The following SEMA6D variants were observed in gnomAD, a reference collection of about 807,000 sequenced individuals.
SEMA6D encodes semaphorin-6D.
Under a neutral mutation model 106.6 loss-of-function variants are expected in SEMA6D, and 35 were observed. The ratio of observed to expected loss-of-function variants is 0.33; its 90% confidence interval spans 0.25 to 0.44. The LOEUF (loss-of-function observed/expected upper bound fraction) is 0.44, where lower values mean the gene tolerates loss of function less well. Ranked by LOEUF, SEMA6D falls within the 20% of genes least tolerant of loss-of-function variation. The probability of loss-of-function intolerance (pLI) is 1.00; values close to 1 mark genes in which losing one functional copy is unlikely to be tolerated. For synonymous variants in SEMA6D, 499 were observed against 487.7 expected (o/e 1.02, Z -0.31); for missense variants, 1,185 against 1,345.9 (o/e 0.88, Z 1.87).
At chr15:47,302,162 C>T (rs1297989693) in intron 1 of SEMA6D, among the ~76,000 whole-genome samples, 1 of 152,148 alleles carries the variant, frequency 6.6e-6, no homozygotes, top group Non-Finnish European at 1.5e-5. Flanking sequence ...CTCCAATTTA[C>T]ACATTATGAG....
chr15:47,474,143 T>C (rs969561653), intron 3 of SEMA6D, among the ~76,000 whole-genome samples: 3 of 152,208 alleles, frequency 2.0e-5, no homozygotes, highest in African/African-American at 7.2e-5. Flanking sequence ...CCAAGAATTC[T>C]AGCTGAGTTC....
At chr15:47,673,458 C>G (rs1477861616) in intron 4 of SEMA6D, among the ~76,000 whole-genome samples, 1 of 152,146 alleles carries the variant, frequency 6.6e-6, no homozygotes, top group Non-Finnish European at 1.5e-5. Context: ...TGGCTGTCTC[C>G]CAGAATCCAC....
chr15:47,760,362 G>T lies in SEMA6D; in HGVS notation c.168G>T (p.Arg56Ser). The change falls in exon 3 of 19, where the codon AGG becomes AGT. Residue 56 changes from arginine to serine, a missense_variant. Around this residue, in one of 3 missense-constraint regions of SEMA6D, gnomAD observed 144 missense variants for 138.6 expected, o/e 1.04. Coordinates refer to ENST00000536845, the MANE Select transcript of SEMA6D (RefSeq NM_001358351.3). ...CTTCAGGCAATGAATCGCAGCACAG[G>T]CTGGACTTTCAGCTGATGTTGAAAA... The part of the protein sequence containing the change: ...GRPSGNESQH[R>S]LDFQLMLKIR... The T allele has an allele frequency of 1.2e-6, 2 of 1,613,648 alleles. No homozygotes were observed. Among genetic ancestry groups the T allele is most frequent in the Non-Finnish European group, 1.7e-6 (2 of 1,179,676 alleles).
In SEMA6D at chr15:47,251,329, G is replaced by C. The variant is rs549776920; in HGVS notation, c.-239+66911G>C. Reference sequence around the variant, plus strand: ...TCAGGAAATCTGTATCTGTCGCCATGTAAGTTCTACTCATGAATCTTGTTT... The same window carrying C: ...TCAGGAAATCTGTATCTGTCGCCATCTAAGTTCTACTCATGAATCTTGTTT... On this transcript the variant is annotated intron_variant, in intron 1 of 19. Coordinates refer to the SEMA6D transcript ENST00000558014. Among the ~76,000 whole-genome samples, 11 of 152,302 alleles carry C rather than the reference G, an allele frequency of 7.2e-5. 1 individual carries two copies. The South Asian group carries it at 2.3e-3, about 32-fold the overall frequency.
At chr15:47,759,625 A>C (rs2081956542) in intron 1 of SEMA6D, 120 bp from the exon 2 acceptor site, 2 of 605,884 alleles carry the variant, frequency 3.3e-6, no homozygotes, top group African/African-American at 3.7e-5. Flanking sequence ...TACCACTGCC[A>C]GCATTCCTGG....
intron 3 of SEMA6D, among the ~76,000 whole-genome samples, chr15:47,507,556 G>A (rs1388290210): frequency 6.6e-6 from 1 of 152,170 alleles, no homozygotes; most frequent in East Asian, 1.9e-4. Flanking sequence ...CATAAAGGAA[G>A]AAAACAGTAA....
At chr15:47,261,999 A>C (rs1240541676) in intron 1 of SEMA6D, among the ~76,000 whole-genome samples, 1 of 152,164 alleles carries the variant, frequency 6.6e-6, no homozygotes, top group African/African-American at 2.4e-5. Flanking sequence ...CTTATACAGC[A>C]TCAGTGTACA....
chr15:47,466,468 T>C (rs1596069579), intron 2 of SEMA6D, among the ~76,000 whole-genome samples: 1 of 152,144 alleles, frequency 6.6e-6, no homozygotes, highest in Admixed American at 6.6e-5. Flanking sequence ...TCATTCATGT[T>C]GACACAAATG....
rs73392898 is a variant in SEMA6D, at chr15:47,697,961, T to C, written c.-54-61784T>C. Among the ~76,000 whole-genome samples the C allele has an allele frequency of 4.3e-3, 659 of 152,346 alleles. 3 individuals are homozygous for C. Among genetic ancestry groups the C allele is most frequent in the African/African-American group, 0.015 (638 of 41,590 alleles). ...TTGCTAAGGCCAAAAGATTGCCAACTGCTCTGGGTCGCAGTTTTCCCATTA... is the reference window on the plus strand; with the variant it reads ...TTGCTAAGGCCAAAAGATTGCCAACCGCTCTGGGTCGCAGTTTTCCCATTA... On this transcript the variant is annotated intron_variant, in intron 4 of 19. Coordinates refer to the SEMA6D transcript ENST00000558014.
chr15:47,771,469 C>T lies in SEMA6D; in HGVS notation c.2906C>T (p.Ser969Phe), dbSNP rs763515333. 4.3e-6 allele frequency: 7 copies of T among 1,614,120 alleles called. No homozygotes were observed. In the South Asian group the frequency reaches 4.4e-5, roughly 10 times the overall value. ...ERQRGYHKNS[S>F]QRHSISAMPK... ...CAAAGAGGTTATCACAAAAATTCCT[C>T]CCAGAGGCACTCTATATCTGCTATG... Residue 969 changes from serine (S) to phenylalanine (F), a missense_variant, in exon 19 of 19, where the codon TCC becomes TTC. Ser to Phe is a radical substitution (Grantham distance 155). Around this residue, in one of 3 missense-constraint regions of SEMA6D, gnomAD observed 750 missense variants for 783.5 expected, o/e 0.96. Coordinates refer to ENST00000536845, the MANE Select transcript of SEMA6D (RefSeq NM_001358351.3).
At chr15:47,277,014 A>C (rs2034848860) in intron 1 of SEMA6D, among the ~76,000 whole-genome samples, 1 of 152,132 alleles carries the variant, frequency 6.6e-6, no homozygotes, top group Non-Finnish European at 1.5e-5. Context: ...CAGTGGAGGA[A>C]ATAACTGTAG....
Position 47,276,156 on chromosome 15 carries a change from C to A in SEMA6D, c.-239+91738C>A, listed in dbSNP as rs77281895. Among the ~76,000 whole-genome samples, 1,097 of 152,150 alleles carry A rather than the reference C, an allele frequency of 7.2e-3. 18 individuals carry two copies. Among genetic ancestry groups the A allele is most frequent in the East Asian group, 0.047 (245 of 5,164 alleles). ...AGGTTGGCTCATGAGTATTAAAGAACCTCTGTAACATAACATAAAAGGTCT... is the reference window on the plus strand; with the variant it reads ...AGGTTGGCTCATGAGTATTAAAGAAACTCTGTAACATAACATAAAAGGTCT... On this transcript the variant is annotated intron_variant, in intron 1 of 19. Transcript: ENST00000558014.
chr15:47,254,129 C>A (rs541548369), intron 1 of SEMA6D, among the ~76,000 whole-genome samples: 1 of 150,816 alleles, frequency 6.6e-6, no homozygotes, highest in African/African-American at 2.4e-5. Flanking sequence ...ACTTTTATTT[C>A]TTTTTAGGCT....
chr15:47,489,862 G>C (rs2043417766), intron 3 of SEMA6D, among the ~76,000 whole-genome samples: 1 of 151,998 alleles, frequency 6.6e-6, no homozygotes. Context: ...ACGTTGGCCA[G>C]GCTGGTCTCA....
intron 1 of SEMA6D, among the ~76,000 whole-genome samples, chr15:47,394,432 AAGAGTGCTGGATTCGTATCAAAAG>A (rs1373745253): frequency 6.6e-6 from 1 of 152,178 alleles, no homozygotes; most frequent in African/African-American, 2.4e-5. Flanking sequence ...ACAGATTCTG[AAGAGTGCTGGATTCGTATCAAAAG>A]AGAGTGGCGA....
At chr15:47,442,120 A>C (rs946682931) in intron 2 of SEMA6D, among the ~76,000 whole-genome samples, 4 of 152,114 alleles carry the variant, frequency 2.6e-5, no homozygotes, top group Non-Finnish European at 5.9e-5. Context: ...AATGCCTATC[A>C]AACCTTGTTT....
At chr15:47,460,969 G>T (rs2042489417) in intron 2 of SEMA6D, among the ~76,000 whole-genome samples, 1 of 152,026 alleles carries the variant, frequency 6.6e-6, no homozygotes, top group Admixed American at 6.6e-5. Context: ...GTCCCCAGAT[G>T]GTGTGACTCC....
intron 4 of SEMA6D, among the ~76,000 whole-genome samples, chr15:47,626,724 C>G (rs1173196619): frequency 6.6e-6 from 1 of 152,012 alleles, no homozygotes; most frequent in Non-Finnish European, 1.5e-5. Flanking sequence ...ATTCTGTACT[C>G]TTTTAATTTT....
At chr15:47,339,598 A>G (rs186241084) in intron 1 of SEMA6D, among the ~76,000 whole-genome samples, 198 of 152,246 alleles carry the variant, frequency 1.3e-3, no homozygotes, top group African/African-American at 4.6e-3. Flanking sequence ...GCCGGGTGCA[A>G]TGGCTCAAGC....
Sources: gnomAD v4.1 joint callset for allele counts (sites outside exome capture counted in the v4.1 genomes callset) on GRCh38, gnomAD v4.1.1 for gene constraint, gnomAD v4.1.1 regional missense constraint, MANE v1.5 for transcripts, NCBI Gene and HGNC (gene_info 2026-07-23, HGNC 2026-07-21) for gene names.